NPY2R: variants seen among roughly 807,000 people sequenced by gnomAD.
NPY2R encodes neuropeptide Y receptor Y2.
Under a neutral mutation model 22.3 loss-of-function variants are expected in NPY2R, and 17 were observed. The observed-to-expected ratio is 0.76, with a 90% CI of 0.52 to 1.14. NPY2R has a LOEUF of 1.14. NPY2R is among the 50% of genes most tolerant of loss of function. The pLI, the probability that NPY2R is intolerant of heterozygous loss-of-function variation, is 0.00. For synonymous variants in NPY2R, 209 were observed against 183.4 expected (o/e 1.14, Z -1.13); for missense variants, 424 against 467.9 (o/e 0.91, Z 0.87).
chr4:155,200,247 A>G, the NPY2R span, among the ~76,000 whole-genome samples: 2 of 152,180 alleles, frequency 1.3e-5, no homozygotes, highest in African/African-American at 2.4e-5. Flanking sequence ...CATATGGGGA[A>G]AAAAAGCTCA....
rs945675061 is a variant in NPY2R, at chr4:155,215,142, T to C, written c.*57T>C. 181 of 1,461,628 alleles carry C rather than the reference T, an allele frequency of 1.2e-4. No homozygotes were observed. The highest frequency in any genetic ancestry group is 1.6e-4 in the Non-Finnish European group (167 of 1,042,916). The allele number at this position is 1,461,628 out of a possible 1,614,324, so 90.5% of individuals were successfully genotyped here. On this transcript the variant is annotated 3_prime_UTR_variant, in exon 2 of 2. Transcript: ENST00000329476. ...TTCTGACCAGAGCTATGAATCTGGT[T>C]GATGGCGGCTCACAAGTGAAAACTG...
chr4:155,207,622 G>A (rs1729308529), upstream of NPY2R: 1 of 152,300 alleles, frequency 6.6e-6, no homozygotes, highest in South Asian at 2.1e-4. Context: ...CGAGGAAATA[G>A]ACGCTGCTGC....
At chr4:155,178,169 C>T in the NPY2R span, among the ~76,000 whole-genome samples, 1 of 152,160 alleles carries the variant, frequency 6.6e-6, no homozygotes, top group Non-Finnish European at 1.5e-5. Context: ...ATCATCTGCT[C>T]TTGTTCCTCA....
the NPY2R span, among the ~76,000 whole-genome samples, chr4:155,187,781 A>C: frequency 0.47 from 70,908 of 152,020 alleles, 17,248 homozygotes; most frequent in East Asian, 0.69. Context: ...TTCATGGCTC[A>C]GGTCATTTGT....
chr4:155,198,252 C>T, the NPY2R span, among the ~76,000 whole-genome samples: 1 of 151,816 alleles, frequency 6.6e-6, no homozygotes. Flanking sequence ...AAATTGGGAA[C>T]CATGCACTTA....
At chr4:155,199,727 T>A in the NPY2R span, among the ~76,000 whole-genome samples, 1 of 151,716 alleles carries the variant, frequency 6.6e-6, no homozygotes, top group Non-Finnish European at 1.5e-5. Flanking sequence ...TCTGCAACCA[T>A]CTGAACTGGA....
the NPY2R span, among the ~76,000 whole-genome samples, chr4:155,196,622 A>G: frequency 6.6e-6 from 1 of 151,896 alleles, no homozygotes. Flanking sequence ...AGGGAAGAGA[A>G]AAAGGTAGCT....
upstream of NPY2R, among the ~76,000 whole-genome samples, chr4:155,205,854 T>TATCTATGA (rs1553956836): frequency 2.0e-5 from 3 of 150,460 alleles, no homozygotes; most frequent in Non-Finnish European, 4.4e-5. Flanking sequence ...TCTATCTATC[T>TATCTATGA]ATGATTTCTT....
At chr4:155,201,042 T>C in the NPY2R span, among the ~76,000 whole-genome samples, 21 of 125,970 alleles carry the variant, frequency 1.7e-4, no homozygotes, top group African/African-American at 5.9e-4. Context: ...AAATAAAATA[T>C]AAAACTACAA....
the NPY2R span, among the ~76,000 whole-genome samples, chr4:155,196,600 G>A: frequency 1.3e-5 from 2 of 151,888 alleles, no homozygotes; most frequent in Non-Finnish European, 2.9e-5. Context: ...GTTTTGAGTA[G>A]TAGTTTGAAT....
chr4:155,195,576 TTATAA>T, the NPY2R span, among the ~76,000 whole-genome samples: 2 of 151,948 alleles, frequency 1.3e-5, no homozygotes, highest in Non-Finnish European at 2.9e-5. Context: ...AATCTTAGTA[TTATAA>T]TATAACCTAT....
the NPY2R span, among the ~76,000 whole-genome samples, chr4:155,191,448 G>T: frequency 3.8e-4 from 58 of 151,846 alleles, no homozygotes; most frequent in African/African-American, 1.4e-3. Flanking sequence ...CTTTCTCTTT[G>T]CCCTTTTCTA....
chr4:155,201,370 CTG>C, the NPY2R span, among the ~76,000 whole-genome samples: 2 of 152,120 alleles, frequency 1.3e-5, no homozygotes, highest in Non-Finnish European at 2.9e-5. Flanking sequence ...TACTCTGAGA[CTG>C]TCATGTGTAA....
intron 1 of NPY2R, among the ~76,000 whole-genome samples, chr4:155,211,995 G>A (rs1729414068): frequency 6.6e-6 from 1 of 152,172 alleles, no homozygotes; most frequent in South Asian, 2.1e-4. Flanking sequence ...AGAATCCCAA[G>A]GACTTGGAGC....
chr4:155,192,745 C>T, the NPY2R span, among the ~76,000 whole-genome samples: 6 of 151,808 alleles, frequency 4.0e-5, no homozygotes, highest in Non-Finnish European at 7.4e-5. Flanking sequence ...ACAACTCTTA[C>T]GACTAACATT....
chr4:155,212,039 G>T (rs780611009), intron 1 of NPY2R, among the ~76,000 whole-genome samples: 2 of 152,170 alleles, frequency 1.3e-5, no homozygotes, highest in Non-Finnish European at 2.9e-5. Context: ...CAGCCCTCCT[G>T]TGGTACAGAG....
the NPY2R span, among the ~76,000 whole-genome samples, chr4:155,185,044 A>ATATTTTT: frequency 3.6e-5 from 5 of 140,624 alleles, no homozygotes; most frequent in East Asian, 2.2e-4. Context: ...ATATATATAT[A>ATATTTTT]TTTTTTTTTT....
the NPY2R span, among the ~76,000 whole-genome samples, chr4:155,184,960 T>C: frequency 6.8e-6 from 1 of 148,144 alleles, no homozygotes; most frequent in Non-Finnish European, 1.5e-5. Flanking sequence ...ATATATATTA[T>C]ATATATTTAT....
chr4:155,201,685 A>T, the NPY2R span, among the ~76,000 whole-genome samples: 2 of 152,260 alleles, frequency 1.3e-5, no homozygotes, highest in East Asian at 3.9e-4. Context: ...TTGCCAGGTT[A>T]AAGTGACTTA....
Sources: gnomAD v4.1 joint callset for allele counts (sites outside exome capture counted in the v4.1 genomes callset) on GRCh38, gnomAD v4.1.1 for gene constraint, MANE v1.5 for transcripts, NCBI Gene and HGNC (gene_info 2026-07-23, HGNC 2026-07-21) for gene names.